Variants in ATRNL1 observed in about 807,000 individuals in gnomAD.
ATRNL1 encodes attractin like 1.
In ATRNL1, 95 loss-of-function variants were observed where a neutral mutation model predicts 182.7. The observed-to-expected ratio is 0.52, with a 90% CI of 0.44 to 0.62. ATRNL1 has a LOEUF of 0.62. ATRNL1 is among the 20% of genes least tolerant of loss of function. The pLI is 0.00. For synonymous variants in ATRNL1, 576 were observed against 568.3 expected (o/e 1.01, Z -0.19); for missense variants, 1,471 against 1,679.5 (o/e 0.88, Z 2.17).
chr10:115,630,393 A>G (rs1254187263), intron 26 of ATRNL1, among the ~76,000 whole-genome samples: 1 of 151,976 alleles, frequency 6.6e-6, no homozygotes, highest in Non-Finnish European at 1.5e-5. Flanking sequence ...GAAAAGGGAA[A>G]CTTTAAGCAC....
chr10:115,733,405 C>T (rs781987782), intron 27 of ATRNL1, among the ~76,000 whole-genome samples: 4 of 152,080 alleles, frequency 2.6e-5, no homozygotes, highest in Admixed American at 6.6e-5. Context: ...AAATTAATTT[C>T]GAATCTACTT....
chr10:115,469,811 T>C (rs1554971772), intron 24 of ATRNL1, among the ~76,000 whole-genome samples: 2 of 150,556 alleles, frequency 1.3e-5, no homozygotes. Flanking sequence ...TACATGTGTG[T>C]TTTACATTTC....
chr10:115,504,068 T>G (rs1849986084), intron 24 of ATRNL1, among the ~76,000 whole-genome samples: 1 of 152,142 alleles, frequency 6.6e-6, no homozygotes, highest in African/African-American at 2.4e-5. Context: ...AATGCCCAAA[T>G]AATGAAATAT....
At chr10:115,564,611 C>A (rs1853961145) in intron 26 of ATRNL1, among the ~76,000 whole-genome samples, 1 of 151,726 alleles carries the variant, frequency 6.6e-6, no homozygotes, top group African/African-American at 2.4e-5. Flanking sequence ...TATTTTTATA[C>A]CTTGTACATG....
chr10:115,467,912 T>C (rs1312558439), intron 23 of ATRNL1, among the ~76,000 whole-genome samples: 1 of 150,696 alleles, frequency 6.6e-6, no homozygotes, highest in African/African-American at 2.4e-5. Context: ...GTATCAAAGG[T>C]ATACTGTTGC....
chr10:115,713,993 C>T (rs1555055576), intron 26 of ATRNL1, among the ~76,000 whole-genome samples: 1 of 152,100 alleles, frequency 6.6e-6, no homozygotes, highest in African/African-American at 2.4e-5. Context: ...TTTCCAAAGC[C>T]TTTTTTTCCA....
At chr10:115,371,335 G>C (rs944459240) in intron 19 of ATRNL1, among the ~76,000 whole-genome samples, 1 of 141,490 alleles carries the variant, frequency 7.1e-6, no homozygotes, top group African/African-American at 2.4e-5. Context: ...TTCACCAACA[G>C]CTGGCACCCT....
intron 27 of ATRNL1, among the ~76,000 whole-genome samples, chr10:115,808,071 T>TG (rs1383700075): frequency 6.6e-6 from 1 of 152,188 alleles, no homozygotes; most frequent in East Asian, 1.9e-4. Flanking sequence ...TTATCTTCGC[T>TG]GTGTGTATTA....
At position 115,738,154 on chromosome 10, in the gene ATRNL1, T is replaced by TTTTTTTTC. The variant is rs71010046; in HGVS notation, c.3903+10801_3903+10802insTTTTTCTT. On this transcript the variant is annotated intron_variant, in intron 27 of 28. Coordinates refer to ENST00000355044, the MANE Select transcript of ATRNL1 (RefSeq NM_207303.4). ...TTTTTTTTTTTTTTTTTTTTTTTTT[T>TTTTTTTTC]TTGAGATGGAGTCCTGCTCTGTCGC... 8.0e-4 allele frequency among the ~76,000 whole-genome samples: 51 copies of TTTTTTTTC among 63,888 alleles called. 3 individuals are homozygous for TTTTTTTTC. The highest frequency in any genetic ancestry group is 1.6e-3 in the Admixed American group (6 of 3,694). The allele number at this position is 63,888 out of a possible 152,430, so 41.9% of individuals were successfully genotyped here.
At chr10:115,383,622 A>G (rs952840073) in intron 19 of ATRNL1, among the ~76,000 whole-genome samples, 16 of 151,984 alleles carry the variant, frequency 1.1e-4, no homozygotes, top group African/African-American at 3.9e-4. Flanking sequence ...GTCCCATAAG[A>G]AAATTGCAAA....
intron 20 of ATRNL1, among the ~76,000 whole-genome samples, chr10:115,413,794 T>C (rs1845255924): frequency 6.6e-6 from 1 of 152,124 alleles, no homozygotes; most frequent in South Asian, 2.1e-4. Flanking sequence ...TAGTTCCTTG[T>C]AATGGAATAT....
intron 27 of ATRNL1, among the ~76,000 whole-genome samples, chr10:115,777,433 T>G (rs1430276076): frequency 6.6e-6 from 1 of 152,168 alleles, no homozygotes; most frequent in East Asian, 1.9e-4. Context: ...ATTTTGACTT[T>G]GTTATATCAA....
intron 26 of ATRNL1, among the ~76,000 whole-genome samples, chr10:115,672,393 T>G (rs1448277089): frequency 6.6e-6 from 1 of 152,140 alleles, no homozygotes; most frequent in Non-Finnish European, 1.5e-5. Flanking sequence ...ACACAACTTA[T>G]TTTAGGAATT....
At chr10:115,762,786 A>T (rs982054080) in intron 27 of ATRNL1, among the ~76,000 whole-genome samples, 1 of 152,118 alleles carries the variant, frequency 6.6e-6, no homozygotes, top group Non-Finnish European at 1.5e-5. Flanking sequence ...AATCATCAAC[A>T]TAATTATTCT....
At chr10:115,159,971 A>G (rs1370576564) in intron 5 of ATRNL1, 69 bp from the exon 6 acceptor site, 7 of 1,142,924 alleles carry the variant, frequency 6.1e-6, no homozygotes, top group African/African-American at 1.6e-5. Flanking sequence ...CTCTTAATCC[A>G]TATGTTGTAT....
intron 19 of ATRNL1, among the ~76,000 whole-genome samples, chr10:115,389,466 T>G (rs527236792): frequency 7.1e-6 from 1 of 141,596 alleles, no homozygotes; most frequent in Non-Finnish European, 1.5e-5. Context: ...TGAGCCAAGA[T>G]TGCGCCATTG....
chr10:115,301,047 C>A lies in ATRNL1; in HGVS notation c.2629+800C>A, dbSNP rs186226086. Among the ~76,000 whole-genome samples the A allele has an allele frequency of 2.7e-4, 41 of 152,178 alleles. No homozygotes were observed. In the East Asian group the frequency reaches 7.3e-3, roughly 27 times the overall value. ...TTAGCATAATGTCTTTAGGGTTTAA[C>A]CAAGTTGTAGGATATATGAGAATTT... On this transcript the variant is annotated intron_variant, in intron 16 of 28. Transcript: ENST00000355044.
chr10:115,339,881 C>T (rs1360663766), intron 19 of ATRNL1, among the ~76,000 whole-genome samples: 1 of 152,002 alleles, frequency 6.6e-6, no homozygotes, highest in African/African-American at 2.4e-5. Context: ...TTCCTTCAAT[C>T]CCCAATTTTT....
intron 5 of ATRNL1, among the ~76,000 whole-genome samples, chr10:115,140,019 T>C (rs1845693465): frequency 6.6e-6 from 1 of 152,288 alleles, no homozygotes. Context: ...AGTAGGATAT[T>C]CCTGTCATTG....
Sources: allele counts gnomAD v4.1 joint callset (sites outside exome capture counted in the v4.1 genomes callset), GRCh38; gene constraint gnomAD v4.1.1; transcripts MANE v1.5; gene names NCBI Gene and HGNC (gene_info 2026-07-23, HGNC 2026-07-21).